The following NDUFAF6 variants were observed in gnomAD, a reference collection of about 807,000 sequenced individuals.
NDUFAF6 encodes the protein NADH dehydrogenase (ubiquinone) complex I, assembly factor 6.
Under a neutral mutation model 40.8 loss-of-function variants are expected in NDUFAF6, and 45 were observed. The observed-to-expected ratio is 1.10, with a 90% CI of 0.87 to 1.42. The LOEUF (loss-of-function observed/expected upper bound fraction) is 1.42, where lower values mean the gene tolerates loss of function less well. Among genes scored for constraint, NDUFAF6 ranks in the 40% most tolerant of loss-of-function variants. The probability of loss-of-function intolerance (pLI) is 0.00; values close to 1 mark genes in which losing one functional copy is unlikely to be tolerated. For missense variants in NDUFAF6, 435 were observed against 418.5 expected (o/e 1.04, Z -0.34); for synonymous variants, 185 against 155.9 (o/e 1.19, Z -1.39).
intron 4 of NDUFAF6, among the ~76,000 whole-genome samples, chr8:95,114,721 T>A (rs894220574): frequency 6.6e-6 from 1 of 152,212 alleles, no homozygotes; most frequent in Admixed American, 6.5e-5. Flanking sequence ...CCTTTTCCCA[T>A]ATTTTTCTTT....
chr8:95,098,953 G>A (rs1385228225), upstream of NDUFAF6, among the ~76,000 whole-genome samples: 1 of 150,988 alleles, frequency 6.6e-6, no homozygotes, highest in Non-Finnish European at 1.5e-5. Context: ...CAAAAAACTG[G>A]CTCTAGGCTG....
At chr8:95,013,143 C>G (rs902516148) in intron 2 of NDUFAF6, among the ~76,000 whole-genome samples, 2 of 151,950 alleles carry the variant, frequency 1.3e-5, no homozygotes, top group African/African-American at 4.8e-5. Context: ...GCTCTCCAAC[C>G]CAAACTATAG....
chr8:94,941,740 C>T (rs1410039918), intron 1 of NDUFAF6, among the ~76,000 whole-genome samples: 1 of 152,198 alleles, frequency 6.6e-6, no homozygotes, highest in African/African-American at 2.4e-5. Flanking sequence ...GCATTCAAAC[C>T]CTGGCTAGCT....
intron 2 of NDUFAF6, chr8:94,949,163 G>C (rs1279790619): frequency 7.3e-5 from 11 of 149,998 alleles, no homozygotes; most frequent in Admixed American, 7.3e-4. Context: ...CGTGGGCCCG[G>C]GCCGTGCGGG....
At chr8:95,040,424 A>G (rs957416260) in intron 3 of NDUFAF6, among the ~76,000 whole-genome samples, 7 of 152,194 alleles carry the variant, frequency 4.6e-5, no homozygotes, top group African/African-American at 1.7e-4. Context: ...TTGAGGAGAC[A>G]TTTTAAGACT....
chr8:95,045,688 A>C, intron 5 of NDUFAF6, 41 bp downstream of exon 5: 1 of 1,490,132 alleles, frequency 6.7e-7, no homozygotes, highest in Non-Finnish European at 9.4e-7. Flanking sequence ...TTTCCAATAA[A>C]ATACCTATGA....
chr8:95,039,233 T>C (rs1829873192), intron 3 of NDUFAF6, among the ~76,000 whole-genome samples: 1 of 151,276 alleles, frequency 6.6e-6, no homozygotes, highest in African/African-American at 2.4e-5. Context: ...GGCGGGTGGA[T>C]CACGAGGTCA....
intron 1 of NDUFAF6, among the ~76,000 whole-genome samples, chr8:94,904,153 G>GT (rs940661398): frequency 8.0e-5 from 12 of 150,602 alleles, no homozygotes; most frequent in Non-Finnish European, 1.5e-4. Flanking sequence ...TTGTTTTTTG[G>GT]TTTTTTTTGA....
rs544158999 is a variant in NDUFAF6 at position 94,975,968 on chromosome 8, T to A, written c.-198-4891T>A. On this transcript the variant is annotated intron_variant, in intron 1 of 9. Coordinates refer to the NDUFAF6 transcript ENST00000396111. Reference sequence around the variant, plus strand: ...GCTCACGCCTGTAATCCCAGCACTTTGGGAGGCAGAGGCAGGTGGATCACG... The same window carrying A: ...GCTCACGCCTGTAATCCCAGCACTTAGGGAGGCAGAGGCAGGTGGATCACG... 3.3e-5 allele frequency: 5 copies of A among 152,260 alleles called. No individual in the cohort carries two copies. The South Asian group carries it at 1.0e-3, about 32-fold the overall frequency. 9.4% of individuals were successfully genotyped at this position (152,260 alleles called of 1,614,324 possible).
intron 4 of NDUFAF6, among the ~76,000 whole-genome samples, chr8:95,109,254 C>A (rs1469352131): frequency 1.3e-5 from 2 of 152,192 alleles, no homozygotes; most frequent in African/African-American, 4.8e-5. Context: ...ATTTGTCCAA[C>A]ATAATGTACA....
intron 1 of NDUFAF6, among the ~76,000 whole-genome samples, chr8:94,906,302 C>T (rs1818387985): frequency 2.0e-5 from 3 of 152,326 alleles, no homozygotes; most frequent in Admixed American, 2.0e-4. Context: ...TCATCCCACA[C>T]GTCCCTTTCC....
chr8:95,058,419 AGTCAC>A lies in NDUFAF6; in HGVS notation c.*485_*489del, dbSNP rs1832450884. The A allele has an allele frequency of 4.1e-6, 5 of 1,232,708 alleles. No homozygotes were observed. The South Asian group carries it at 2.0e-4, about 50-fold the overall frequency. 76.4% of individuals were successfully genotyped at this position (1,232,708 alleles called of 1,614,324 possible). ...GTGAAATTAATATTTGAGGAATATC[AGTCAC>A]GTGTTGTGGGCTTTTATCCTTAACG... On this transcript the variant is annotated 3_prime_UTR_variant, in exon 9 of 9. Transcript: ENST00000396124.
chr8:94,911,895 C>T (rs971465093), intron 1 of NDUFAF6, among the ~76,000 whole-genome samples: 2 of 152,214 alleles, frequency 1.3e-5, no homozygotes, highest in Non-Finnish European at 2.9e-5. Context: ...TACTGATACT[C>T]AAACACAATA....
rs200968954 is a variant in NDUFAF6 at position 94,998,379 on chromosome 8, TACACACACAC to T, written c.-84+17435_-84+17444del. On this transcript the variant is annotated intron_variant, in intron 2 of 9. Coordinates refer to the NDUFAF6 transcript ENST00000396111. Reference sequence around the variant, plus strand: ...TCTAAAGTTATTCTCTGCAATCAAATACACACACACACACACACACACACACACACACACA... The same window carrying T: ...TCTAAAGTTATTCTCTGCAATCAAATACACACACACACACACACACACACA... Among the ~76,000 whole-genome samples the T allele has an allele frequency of 5.8e-4, 80 of 138,412 alleles. 1 individual carries two copies. Among genetic ancestry groups the T allele is most frequent in the Middle Eastern group, 7.4e-3 (2 of 272 alleles). The allele number at this position is 138,412 out of a possible 152,430, so 90.8% of individuals were successfully genotyped here.
At chr8:95,011,692 G>C (rs1213308287) in intron 2 of NDUFAF6, among the ~76,000 whole-genome samples, 1 of 152,140 alleles carries the variant, frequency 6.6e-6, no homozygotes, top group Non-Finnish European at 1.5e-5. Context: ...AAGCTAAAGA[G>C]TTACTTTATT....
intron 4 of NDUFAF6, among the ~76,000 whole-genome samples, chr8:95,044,889 G>A (rs545685688): frequency 1.3e-4 from 20 of 151,872 alleles, no homozygotes; most frequent in Non-Finnish European, 2.2e-4. Context: ...AAGTGTTCTC[G>A]CTATTAGATT....
intron 1 of NDUFAF6, among the ~76,000 whole-genome samples, chr8:94,898,900 T>G (rs1473521899): frequency 6.6e-6 from 1 of 152,256 alleles, no homozygotes; most frequent in Non-Finnish European, 1.5e-5. Context: ...AAGGTATTTT[T>G]CATACGTTTT....
At chr8:94,969,376 G>GGT (rs1252831653) in intron 1 of NDUFAF6, among the ~76,000 whole-genome samples, 4 of 152,174 alleles carry the variant, frequency 2.6e-5, no homozygotes, top group Non-Finnish European at 5.9e-5. Context: ...TGCCTCCAAG[G>GGT]GTCAAGTGGT....
At chr8:94,972,437 C>T (rs921949762) in intron 1 of NDUFAF6, among the ~76,000 whole-genome samples, 4 of 152,032 alleles carry the variant, frequency 2.6e-5, no homozygotes, top group African/African-American at 9.7e-5. Flanking sequence ...TGGGGTTTCG[C>T]CATGTTGGTC....
Sources: allele counts gnomAD v4.1 joint callset (sites outside exome capture counted in the v4.1 genomes callset), GRCh38; gene constraint gnomAD v4.1.1; transcripts MANE v1.5; gene names NCBI Gene and HGNC (gene_info 2026-07-23, HGNC 2026-07-21).